Variants in RUFY2 observed in about 807,000 individuals in gnomAD.
The protein encoded by RUFY2 is RUN and FYVE domain-containing protein 2.
RUFY2 carries 49 observed loss-of-function variants against 94.4 expected under a neutral mutation model. That is an observed-to-expected ratio of 0.52 (90% CI 0.41 to 0.66). RUFY2 has a LOEUF of 0.66. RUFY2 is among the 30% of genes least tolerant of loss of function. The pLI, the probability that RUFY2 is intolerant of heterozygous loss-of-function variation, is 0.00. For synonymous variants in RUFY2, 255 were observed against 235.7 expected, an observed-to-expected ratio of 1.08 and a Z score of -0.75; for missense variants, 541 against 692.8, an observed-to-expected ratio of 0.78 and a Z score of 2.46.
Position 68,359,442 on chromosome 10 carries a change from TATAA to T in RUFY2, c.1551-4045_1551-4042del, listed in dbSNP as rs558609645. ...TGTATTGCGTGTATATATACGTATATATAAATATACATAGTAGTAATGCTACTAT... is the reference window on the plus strand; with the variant it reads ...TGTATTGCGTGTATATATACGTATATATATACATAGTAGTAATGCTACTAT... On this transcript the variant is annotated intron_variant, in intron 15 of 17. Transcript: ENST00000602465. Among the ~76,000 whole-genome samples the T allele has an allele frequency of 7.6e-3, 1,060 of 140,272 alleles. 3 individuals are homozygous for T. The highest frequency in any genetic ancestry group is 0.012 in the Non-Finnish European group (775 of 63,456). 92.0% of individuals were successfully genotyped at this position (140,272 alleles called of 152,430 possible). A position where few individuals can be genotyped will look rare whatever the true frequency, so the allele number is the denominator to read the frequency against.
chr10:68,393,023 T>TC (rs1431340942), intron 7 of RUFY2, 115 bp downstream of exon 7: 3 of 427,062 alleles, frequency 7.0e-6, no homozygotes, highest in African/African-American at 4.1e-5. Flanking sequence ...TTTCTCTCTA[T>TC]CCCCTCAACC....
rs2047642210 is a variant in RUFY2, at chr10:68,364,120, T to C, written c.1326-7A>G. 1 of 1,610,502 alleles carries C rather than the reference T, an allele frequency of 6.2e-7. No individual in the cohort carries two copies. Among genetic ancestry groups the C allele is most frequent in the Non-Finnish European group, 8.5e-7 (1 of 1,178,166 alleles). On this transcript the variant is annotated splice_polypyrimidine_tract_variant and splice_region_variant and intron_variant, in intron 13 of 17. Coordinates refer to ENST00000602465, the MANE Select transcript of RUFY2 (RefSeq NM_001330103.2). ...GTCAGTTTCCAGTTGCACCCTTGAA[T>C]GACAAATAACACACAGAAGCTCAGT... is the stretch of plus-strand genomic sequence containing the variant.
intron 12 of RUFY2, chr10:68,377,247 A>G: frequency 1.6e-6 from 2 of 1,269,432 alleles, no homozygotes; most frequent in Non-Finnish European, 1.0e-6. Flanking sequence ...GCAAAGCAAT[A>G]CAGCCTTTAC....
downstream of RUFY2, chr10:68,341,349 G>A (rs2045921996): frequency 1.3e-6 from 2 of 1,572,420 alleles, no homozygotes; most frequent in Non-Finnish European, 1.7e-6. Flanking sequence ...TTTCCTAAAC[G>A]TGAATTTATA....
intron 15 of RUFY2, among the ~76,000 whole-genome samples, chr10:68,360,268 C>T: frequency 6.6e-6 from 1 of 150,910 alleles, no homozygotes; most frequent in African/African-American, 2.4e-5. Context: ...TGAGACCCCG[C>T]CTCCATATAA....
At chr10:68,382,661 C>T (rs1321077845) in intron 10 of RUFY2, among the ~76,000 whole-genome samples, 1 of 149,840 alleles carries the variant, frequency 6.7e-6, no homozygotes, top group Non-Finnish European at 1.5e-5. Flanking sequence ...TTGCAGTGAG[C>T]CGAGATGGCG....
At chr10:68,367,044 T>G (rs1173730633) in intron 13 of RUFY2, among the ~76,000 whole-genome samples, 1 of 151,480 alleles carries the variant, frequency 6.6e-6, no homozygotes, top group Admixed American at 6.6e-5. Flanking sequence ...GGCGGGTGCC[T>G]GTAATCTCAT....
intron 15 of RUFY2, among the ~76,000 whole-genome samples, chr10:68,358,904 C>G (rs569382160): frequency 6.6e-6 from 1 of 152,040 alleles, no homozygotes; most frequent in Non-Finnish European, 1.5e-5. Flanking sequence ...GAGCAACACT[C>G]GGTCTTATGC....
At chr10:68,406,520 A>G (rs527336239) in intron 1 of RUFY2, among the ~76,000 whole-genome samples, 2 of 152,322 alleles carry the variant, frequency 1.3e-5, no homozygotes, top group African/African-American at 4.8e-5. Flanking sequence ...GGGCACCGGC[A>G]GTTCCCACGC....
Position 68,376,466 on chromosome 10 carries a change from A to ATGTGTG in RUFY2, c.1325+386_1325+387insCACACA, listed in dbSNP as rs2048666876. On this transcript the variant is annotated intron_variant, in intron 13 of 17. Transcript: ENST00000602465. The stretch of plus-strand genomic sequence containing the variant: ...TGTATATATATATATATATATATAT[A>ATGTGTG]TATATATATATATATATATATATAT... 5.7e-5 allele frequency among the ~76,000 whole-genome samples: 2 copies of ATGTGTG among 34,806 alleles called. 1 individual carries two copies. Among genetic ancestry groups the ATGTGTG allele is most frequent in the African/African-American group, 2.0e-4 (2 of 9,786 alleles). The allele number at this position is 34,806 out of a possible 152,430, so 22.8% of individuals were successfully genotyped here.
At chr10:68,407,022 C>T in intron 1 of RUFY2, 164 bp downstream of exon 1, 1 of 1,486,856 alleles carries the variant, frequency 6.7e-7, no homozygotes, top group Admixed American at 2.3e-5. Context: ...ATGACGACCC[C>T]GGGAGCCCCC....
chr10:68,363,455 C>T (rs1466572587), intron 15 of RUFY2, 135 bp downstream of exon 15: 3 of 536,082 alleles, frequency 5.6e-6, no homozygotes, highest in African/African-American at 2.0e-5. Context: ...GCGGGGATTA[C>T]AGGCGTGAAC....
intron 15 of RUFY2, among the ~76,000 whole-genome samples, chr10:68,362,312 G>A (rs1236168016): frequency 6.6e-6 from 1 of 152,084 alleles, no homozygotes; most frequent in African/African-American, 2.4e-5. Context: ...TGGGCAACTT[G>A]AGAGCAAGAC....
intron 15 of RUFY2, among the ~76,000 whole-genome samples, chr10:68,358,945 C>G (rs2132424473): frequency 6.6e-6 from 1 of 152,254 alleles, no homozygotes; most frequent in East Asian, 1.9e-4. Flanking sequence ...TGATAATTTA[C>G]TGGTATTGAT....
At chr10:68,397,943 A>G (rs1009500930) in intron 3 of RUFY2, among the ~76,000 whole-genome samples, 2 of 151,828 alleles carry the variant, frequency 1.3e-5, no homozygotes, top group Non-Finnish European at 2.9e-5. Flanking sequence ...CCTAGCCAAC[A>G]TGGTGAAACC....
At chr10:68,341,652 A>C (rs768808204), downstream of RUFY2, 5 of 1,613,558 alleles carry the variant, frequency 3.1e-6, no homozygotes, top group Non-Finnish European at 4.2e-6. Flanking sequence ...GAGGTTCTGG[A>C]ATGGGAGGCT....
At chr10:68,381,872 C>T (rs1358989426) in intron 10 of RUFY2, among the ~76,000 whole-genome samples, 2 of 152,090 alleles carry the variant, frequency 1.3e-5, no homozygotes, top group African/African-American at 2.4e-5. Context: ...TATTTTCAAA[C>T]GCAGTTTTTG....
At chr10:68,401,161 A>T (rs1316521843) in intron 3 of RUFY2, among the ~76,000 whole-genome samples, 2 of 152,224 alleles carry the variant, frequency 1.3e-5, no homozygotes, top group Admixed American at 6.6e-5. Context: ...GTGACATTAT[A>T]GGTACCAATT....
chr10:68,399,379 C>A (rs2050643859), intron 3 of RUFY2, among the ~76,000 whole-genome samples: 1 of 152,092 alleles, frequency 6.6e-6, no homozygotes, highest in African/African-American at 2.4e-5. Flanking sequence ...GGGTTTAAAT[C>A]CTGCCTCTGC....
Sources: allele counts gnomAD v4.1 joint callset (sites outside exome capture counted in the v4.1 genomes callset), GRCh38; gene constraint gnomAD v4.1.1; transcripts MANE v1.5; gene names NCBI Gene and HGNC (gene_info 2026-07-23, HGNC 2026-07-21).